The following PCBP3 variants were observed in gnomAD, a reference collection of about 807,000 sequenced individuals.
PCBP3 encodes the protein poly(rC)-binding protein 3.
In PCBP3, 25 loss-of-function variants were observed where a neutral mutation model predicts 52.7. That is an observed-to-expected ratio of 0.47 (90% CI 0.35 to 0.66). PCBP3 has a LOEUF of 0.66. PCBP3 is among the 30% of genes least tolerant of loss of function. The probability of loss-of-function intolerance (pLI) is 0.01; values close to 1 mark genes in which losing one functional copy is unlikely to be tolerated. For synonymous variants in PCBP3, 162 were observed against 183.0 expected (o/e 0.89, Z 0.93); for missense variants, 391 against 490.3 (o/e 0.80, Z 1.91).
intron 1 of PCBP3, among the ~76,000 whole-genome samples, chr21:45,659,088 T>A (rs556336348): frequency 1.5e-4 from 23 of 149,398 alleles, no homozygotes; most frequent in Admixed American, 8.0e-4. Context: ...GGTCTTTTTT[T>A]AAAAAAAAAA....
chr21:45,893,881 A>G, intron 5 of PCBP3: 1 of 985,302 alleles, frequency 1.0e-6, no homozygotes, highest in Non-Finnish European at 1.2e-6. Flanking sequence ...TGCAGGCTCT[A>G]CTTCAGCCCT....
intron 2 of PCBP3, among the ~76,000 whole-genome samples, chr21:45,714,685 A>G (rs2148212849): frequency 6.6e-6 from 1 of 152,380 alleles, no homozygotes; most frequent in African/African-American, 2.4e-5. Context: ...AGACGAATCC[A>G]TGAAATGTGA....
chr21:45,868,404 A>G (rs1294055866), intron 5 of PCBP3, among the ~76,000 whole-genome samples: 1 of 98,258 alleles, frequency 1.0e-5, no homozygotes, highest in South Asian at 3.5e-4. Context: ...GTGTTGACTT[A>G]TTTGTTCTTT....
chr21:45,816,943 C>T (rs951645579), intron 4 of PCBP3, among the ~76,000 whole-genome samples: 4 of 152,002 alleles, frequency 2.6e-5, no homozygotes, highest in African/African-American at 9.7e-5. Flanking sequence ...GTGGGGGGAG[C>T]CAGCTGCACT....
chr21:45,849,882 G>T (rs2093927521), intron 4 of PCBP3, 79 bp from the exon 5 acceptor site: 4 of 601,396 alleles, frequency 6.7e-6, no homozygotes, highest in Non-Finnish European at 1.2e-5. Flanking sequence ...AAGGCAAGAG[G>T]CAGTTCCGTT....
At chr21:45,705,099 A>G (rs942238025) in intron 2 of PCBP3, among the ~76,000 whole-genome samples, 3 of 152,164 alleles carry the variant, frequency 2.0e-5, no homozygotes. Context: ...GCCTCTTTTC[A>G]GGAGCACTGG....
chr21:45,769,986 T>C (rs1240227664), intron 4 of PCBP3, among the ~76,000 whole-genome samples: 1 of 152,222 alleles, frequency 6.6e-6, no homozygotes, highest in Non-Finnish European at 1.5e-5. Flanking sequence ...GCAGGAGGTT[T>C]TGTTTAGCCC....
At chr21:45,900,919 TC>T in intron 8 of PCBP3, 77 bp from the exon 9 acceptor site, 1 of 948,690 alleles carries the variant, frequency 1.1e-6, no homozygotes, top group African/African-American at 1.6e-5. Context: ...GTGTCAATTG[TC>T]AACGGACTTG....
At chr21:45,709,300 A>G (rs1390540163) in intron 2 of PCBP3, among the ~76,000 whole-genome samples, 3 of 152,218 alleles carry the variant, frequency 2.0e-5, no homozygotes, top group Admixed American at 6.5e-5. Context: ...TTCAGTTGTG[A>G]CTAAGTACAT....
intron 4 of PCBP3, among the ~76,000 whole-genome samples, chr21:45,784,508 C>G (rs977543700): frequency 1.3e-5 from 2 of 152,194 alleles, no homozygotes; most frequent in Non-Finnish European, 1.5e-5. Context: ...CCTCTGATGC[C>G]GAGCCGAAGC....
At chr21:45,901,797 G>C (rs2096064647) in intron 9 of PCBP3, among the ~76,000 whole-genome samples, 1 of 152,184 alleles carries the variant, frequency 6.6e-6, no homozygotes, top group Non-Finnish European at 1.5e-5. Context: ...CAGCACTTCT[G>C]TGTATTCTGT....
rs941038572 is a variant in PCBP3, at chr21:45,741,308, C to G, written c.-162+5879C>G. Reference sequence around the variant, plus strand: ...AGAAAGCAGTGGGGAGGCCCTTATTCACTGTGAGAAGCAGAAACATTGTGC... The same window carrying G: ...AGAAAGCAGTGGGGAGGCCCTTATTGACTGTGAGAAGCAGAAACATTGTGC... On this transcript the variant is annotated intron_variant, in intron 3 of 17. Transcript: ENST00000681687. The surrounding 1 kb of genome is among the most constrained non-coding windows in gnomAD (Gnocchi z 4.5). Among the ~76,000 whole-genome samples the G allele has an allele frequency of 6.6e-6, 1 of 152,148 alleles. No homozygotes were observed. The highest frequency in any genetic ancestry group is 1.5e-5 in the Non-Finnish European group (1 of 68,032).
At position 45,871,056 on chromosome 21, in the gene PCBP3, G is replaced by A. The variant is rs116771369; in HGVS notation, c.10+20961G>A. 171 of 177,050 alleles carry A rather than the reference G, an allele frequency of 9.7e-4. 1 individual carries two copies. The highest frequency in any genetic ancestry group is 4.0e-3 in the African/African-American group (166 of 41,380). The allele number at this position is 177,050 out of a possible 1,614,324, so 11.0% of individuals were successfully genotyped here. On this transcript the variant is annotated intron_variant, in intron 5 of 17. Coordinates refer to ENST00000681687, the MANE Select transcript of PCBP3 (RefSeq NM_001384156.1). Reference sequence around the variant, plus strand: ...GCCATGCAGCCCAGTGCCCGGGAGAGACAGGAACCCCCTACAGGAAGGCAG... The same window carrying A: ...GCCATGCAGCCCAGTGCCCGGGAGAAACAGGAACCCCCTACAGGAAGGCAG...
At chr21:45,740,171 G>A (rs1376797313) in intron 3 of PCBP3, among the ~76,000 whole-genome samples, 1 of 152,294 alleles carries the variant, frequency 6.6e-6, no homozygotes, top group Non-Finnish European at 1.5e-5. Context: ...GGGCTAAGTC[G>A]CGTTTCCTCC....
chr21:45,848,582 C>T (rs1220787549), intron 4 of PCBP3, among the ~76,000 whole-genome samples: 1 of 152,136 alleles, frequency 6.6e-6, no homozygotes. Context: ...CTTTTGGTAC[C>T]TTGTAACTTA....
At chr21:45,763,038 TC>T (rs764773609) in intron 4 of PCBP3, 3 of 152,246 alleles carry the variant, frequency 2.0e-5, no homozygotes, top group Admixed American at 6.5e-5. Flanking sequence ...ATCCACATCT[TC>T]CTTGCTGCTT....
intron 1 of PCBP3, among the ~76,000 whole-genome samples, chr21:45,651,926 C>T (rs944424247): frequency 3.9e-5 from 6 of 152,170 alleles, no homozygotes; most frequent in Non-Finnish European, 4.4e-5. Flanking sequence ...GTTTTCTTAA[C>T]CCTGTTTGCA....
At chr21:45,818,531 A>C (rs970416407) in intron 4 of PCBP3, among the ~76,000 whole-genome samples, 7 of 152,162 alleles carry the variant, frequency 4.6e-5, no homozygotes, top group African/African-American at 1.7e-4. Context: ...TAGTTTTGCC[A>C]TTTGCAGAAT....
chr21:45,826,794 C>T (rs2093320218), intron 4 of PCBP3, among the ~76,000 whole-genome samples: 1 of 152,180 alleles, frequency 6.6e-6, no homozygotes, highest in South Asian at 2.1e-4. Flanking sequence ...AAAATTCTAA[C>T]AAACTCTGTT....
Sources: allele counts gnomAD v4.1 joint callset (sites outside exome capture counted in the v4.1 genomes callset), GRCh38; gene constraint gnomAD v4.1.1; non-coding constraint Gnocchi (gnomAD v3.1); transcripts MANE v1.5; gene names NCBI Gene and HGNC (gene_info 2026-07-23, HGNC 2026-07-21).